OPTN: variants seen among roughly 807,000 people sequenced by gnomAD.
OPTN encodes the protein optineurin, also known as E3-14.7K-interacting protein.
In OPTN, 54 loss-of-function variants were observed where a neutral mutation model predicts 70.4. That is an observed-to-expected ratio of 0.77 (90% CI 0.62 to 0.96). The LOEUF (loss-of-function observed/expected upper bound fraction) is 0.96. OPTN is among the 40% of genes least tolerant of loss of function. OPTN has a pLI of 0.00. For synonymous variants in OPTN, 256 were observed against 248.5 expected (o/e 1.03, Z -0.28); for missense variants, 624 against 673.2 (o/e 0.93, Z 0.81).
chr10:13,126,541 A>G (rs1262482813), intron 11 of OPTN, among the ~76,000 whole-genome samples: 4 of 151,908 alleles, frequency 2.6e-5, no homozygotes, highest in Admixed American at 2.6e-4. Context: ...CGGCCTCCCA[A>G]AGTGCTGGGA....
rs1435671540 is a variant in OPTN, at chr10:13,112,721, C to CA, written c.552+87dup. 1.9e-5 allele frequency: 25 copies of CA among 1,340,282 alleles called. No individual in the cohort carries two copies. The Middle Eastern group carries it at 3.6e-3, about 194-fold the overall frequency. The allele number at this position is 1,340,282 out of a possible 1,614,324, so 83.0% of individuals were successfully genotyped here. On this transcript the variant is annotated intron_variant, in intron 5 of 14. Coordinates refer to ENST00000378747, the MANE Select transcript of OPTN (RefSeq NM_001008212.2). Reference sequence around the variant, plus strand: ...AACAAATACCACTTTTTCTTGTCAACACAAGCCAAGGATTGAGGAAATTCC... The same window carrying CA: ...AACAAATACCACTTTTTCTTGTCAACAACAAGCCAAGGATTGAGGAAATTCC...
Position 13,109,184 on chromosome 10 carries a change from G to A in OPTN, c.62G>A (p.Gly21Glu), listed in dbSNP as rs1337787932. The change falls in exon 3 of 15, where the codon GGA (glycine) becomes GAA (glutamate). Residue 21 changes from glycine to glutamate, a missense_variant. Transcript: ENST00000378747. ...EKEDSPSESTGNGPPHLAHPN... is the reference protein window; with the variant it reads ...EKEDSPSESTENGPPHLAHPN... ...GAGGACAGCCCCAGTGAAAGCACAG[G>A]AAATGGACCCCCCCACCTGGCCCAC... 6.2e-7 allele frequency: 1 copy of A among 1,614,000 alleles called. No homozygotes were observed. Among genetic ancestry groups the A allele is most frequent in the Admixed American group, 1.7e-5 (1 of 59,996 alleles).
chr10:13,127,683 AT>A, intron 11 of OPTN, 61 bp from the exon 12 acceptor site: 1 of 1,559,134 alleles, frequency 6.4e-7, no homozygotes, highest in Non-Finnish European at 8.8e-7. Context: ...TTTTTCTAAT[AT>A]TTTACTAAAA....
chr10:13,130,817 A>G (rs541612907), intron 12 of OPTN, among the ~76,000 whole-genome samples: 6 of 152,342 alleles, frequency 3.9e-5, no homozygotes, highest in Non-Finnish European at 7.3e-5. Flanking sequence ...TCCAATACCA[A>G]TGGAACAGTT....
At chr10:13,118,226 G>C (rs775900847) in intron 6 of OPTN, among the ~76,000 whole-genome samples, 1 of 152,210 alleles carries the variant, frequency 6.6e-6, no homozygotes, top group Non-Finnish European at 1.5e-5. Flanking sequence ...TTAGCTATGC[G>C]AACCTGAGTC....
intron 2 of OPTN, among the ~76,000 whole-genome samples, chr10:13,108,623 T>G (rs182795530): frequency 4.6e-5 from 7 of 151,618 alleles, no homozygotes; most frequent in Non-Finnish European, 1.0e-4. Flanking sequence ...CTTGGCTCAC[T>G]GCAAGCTCTG....
At chr10:13,122,601 G>T in intron 8 of OPTN, 114 bp downstream of exon 8, 3 of 748,794 alleles carry the variant, frequency 4.0e-6, no homozygotes, top group Non-Finnish European at 7.3e-6. Context: ...AAATCATGTT[G>T]ATATTGAATA....
intron 1 of OPTN, among the ~76,000 whole-genome samples, chr10:13,105,825 C>T (rs532698619): frequency 2.0e-5 from 3 of 151,886 alleles, no homozygotes; most frequent in Non-Finnish European, 2.9e-5. Flanking sequence ...AGGAGAATCA[C>T]TTGAATCTGA....
chr10:13,136,626 C>A, intron 14 of OPTN, 119 bp from the exon 15 acceptor site: 2 of 1,178,664 alleles, frequency 1.7e-6, no homozygotes, highest in Non-Finnish European at 2.5e-6. Flanking sequence ...GTGCTCATGT[C>A]CCACTACGTG....
intron 7 of OPTN, among the ~76,000 whole-genome samples, chr10:13,121,230 A>G (rs1371972060): frequency 3.9e-5 from 6 of 152,162 alleles, no homozygotes; most frequent in African/African-American, 7.2e-5. Context: ...GAGACTTGAA[A>G]TTGCACTCGA....
intron 7 of OPTN, among the ~76,000 whole-genome samples, chr10:13,121,111 C>T (rs1833339366): frequency 6.6e-6 from 1 of 151,450 alleles, no homozygotes; most frequent in Non-Finnish European, 1.5e-5. Context: ...ATGGGGATTA[C>T]AATTCAAGAT....
chr10:13,124,042 T>C lies in OPTN; in HGVS notation c.930T>C (p.Phe310=). ...EALNLQVTSL[F]KELQEAHTKL... is the part of the protein sequence containing the mutation. ...TGAACCTCCAGGTGACATCTCTGTT[T>C]AAGGAGCTTCAAGAGGCTCATACAA... The change falls in exon 9 of 15, where the codon TTT becomes TTC. Residue 310 remains phenylalanine (F), a synonymous_variant. Coordinates refer to ENST00000378747, the MANE Select transcript of OPTN (RefSeq NM_001008212.2). 1 of 1,613,986 alleles carries C rather than the reference T, an allele frequency of 6.2e-7. No homozygotes were observed. Among genetic ancestry groups the C allele is most frequent in the East Asian group, 2.2e-5 (1 of 44,856 alleles).
chr10:13,124,370 T>C (rs1460415439), intron 9 of OPTN, among the ~76,000 whole-genome samples: 1 of 152,200 alleles, frequency 6.6e-6, no homozygotes, highest in Non-Finnish European at 1.5e-5. Context: ...GGGTAAGATC[T>C]CTACAGTAAA....
chr10:13,112,062 A>G (rs1477890285), intron 4 of OPTN, among the ~76,000 whole-genome samples: 1 of 149,948 alleles, frequency 6.7e-6, no homozygotes, highest in Non-Finnish European at 1.5e-5. Flanking sequence ...GTTAGCCAGG[A>G]TGGTCTCCAT....
In OPTN at chr10:13,109,752, T is replaced by G. The variant is rs138109050; in HGVS notation, c.166+464T>G. On this transcript the variant is annotated intron_variant, in intron 3 of 14. Transcript: ENST00000378747. ...GGGGATGCTGAGGTTGGAGGATTGC[T>G]TGAGCCTGGGAAGTTGGAGCTGCAG... is the stretch of plus-strand genomic sequence containing the variant. 6.4e-3 allele frequency: 1,086 copies of G among 168,406 alleles called. 5 individuals carry two copies. Among genetic ancestry groups the G allele is most frequent in the Middle Eastern group, 0.019 (6 of 324 alleles). The allele number at this position is 168,406 out of a possible 1,614,324, so 10.4% of individuals were successfully genotyped here. A position where few individuals can be genotyped will look rare whatever the true frequency, so the allele number is the denominator to read the frequency against.
intron 1 of OPTN, among the ~76,000 whole-genome samples, chr10:13,101,161 A>AC (rs1356389156): frequency 5.3e-5 from 8 of 152,134 alleles, no homozygotes; most frequent in African/African-American, 1.9e-4. Context: ...CCCAGGGCAG[A>AC]CCCCAAGGCC....
At chr10:13,127,554 G>T (rs1278362055) in intron 11 of OPTN, among the ~76,000 whole-genome samples, 191 bp from the exon 12 acceptor site, 3 of 151,850 alleles carry the variant, frequency 2.0e-5, no homozygotes. Flanking sequence ...TTTAGATCTC[G>T]CTATGTTGCC....
chr10:13,133,709 G>A, intron 14 of OPTN, 128 bp downstream of exon 14: 1 of 786,044 alleles, frequency 1.3e-6, no homozygotes, highest in East Asian at 2.7e-5. Context: ...GCACCCGTCA[G>A]TCTCATTACC....
intron 9 of OPTN, among the ~76,000 whole-genome samples, chr10:13,124,448 A>G (rs1404168548): frequency 6.6e-6 from 1 of 152,240 alleles, no homozygotes; most frequent in African/African-American, 2.4e-5. Flanking sequence ...ATAAAGAAAG[A>G]TGAAAAGAGC....
Sources: allele counts gnomAD v4.1 joint callset (sites outside exome capture counted in the v4.1 genomes callset), GRCh38; gene constraint gnomAD v4.1.1; transcripts MANE v1.5; gene names NCBI Gene and HGNC (gene_info 2026-07-23, HGNC 2026-07-21).